Variants in SGIP1 observed in about 807,000 individuals in gnomAD.
The protein encoded by SGIP1 is SH3GL interacting endocytic adaptor 1.
In SGIP1, 38 loss-of-function variants were observed where a neutral mutation model predicts 107.5. The ratio of observed to expected loss-of-function variants is 0.35; its 90% CI spans 0.27 to 0.46. The LOEUF is 0.46. Ranked by LOEUF, SGIP1 falls within the 20% of genes least tolerant of loss-of-function variation. The probability of loss-of-function intolerance (pLI) is 1.00; values close to 1 mark genes in which losing one functional copy is unlikely to be tolerated. For synonymous variants in SGIP1, 365 were observed against 366.1 expected (o/e 1.00, Z 0.03); for missense variants, 929 against 1,019.5 (o/e 0.91, Z 1.21).
chr1:66,660,396 G>A (rs1489994759), intron 7 of SGIP1, 117 bp from the exon 8 acceptor site: 2 of 912,520 alleles, frequency 2.2e-6, no homozygotes, highest in East Asian at 2.5e-5. Context: ...TAAAAGCAGT[G>A]CCTTCGAGAG....
chr1:66,650,042 T>A (rs1428879163), intron 7 of SGIP1, among the ~76,000 whole-genome samples: 1 of 152,168 alleles, frequency 6.6e-6, no homozygotes, highest in East Asian at 1.9e-4. Context: ...CATGTAAAGA[T>A]TGTCTCATTG....
chr1:66,632,513 T>A (rs2074980673), intron 2 of SGIP1, among the ~76,000 whole-genome samples: 1 of 152,156 alleles, frequency 6.6e-6, no homozygotes, highest in Non-Finnish European at 1.5e-5. Flanking sequence ...AGTGATGCTC[T>A]CCTGCAATCC....
At chr1:66,686,816 G>A (rs2025595) in intron 15 of SGIP1, among the ~76,000 whole-genome samples, 102,519 of 152,196 alleles carry the variant, frequency 0.67, 35,756 homozygotes, top group East Asian at 1. Flanking sequence ...AATGAACAAC[G>A]AACTTTTTTT....
chr1:66,616,502 G>T (rs1376964903), intron 1 of SGIP1, among the ~76,000 whole-genome samples: 1 of 152,122 alleles, frequency 6.6e-6, no homozygotes, highest in East Asian at 1.9e-4. Context: ...ATGATAGATA[G>T]CTGAGAAAAC....
intron 1 of SGIP1, among the ~76,000 whole-genome samples, chr1:66,609,120 A>G (rs1240808891): frequency 6.6e-6 from 1 of 150,658 alleles, no homozygotes; most frequent in Non-Finnish European, 1.5e-5. Flanking sequence ...CAGTCAGGAC[A>G]CTGAACTAGG....
chr1:66,742,659 C>T (rs1250716348), intron 24 of SGIP1, among the ~76,000 whole-genome samples: 10 of 148,992 alleles, frequency 6.7e-5, no homozygotes, highest in Non-Finnish European at 8.9e-5. Flanking sequence ...TTAGTAGAGA[C>T]GGGGTTTCAC....
chr1:66,533,774 A>AAAGG (rs1557796414), upstream of SGIP1: 1 of 152,650 alleles, frequency 6.6e-6, no homozygotes, highest in Non-Finnish European at 1.5e-5. Context: ...AGAAAGAAAG[A>AAAGG]AAGAAAAAGA....
At chr1:66,741,200 G>T (rs752083149) in intron 23 of SGIP1, 72 bp from the exon 24 acceptor site, 229 of 1,438,384 alleles carry the variant, frequency 1.6e-4, no homozygotes, top group Non-Finnish European at 1.9e-4. Context: ...GTTAACTTTT[G>T]AATGCAACCT....
intron 3 of SGIP1, among the ~76,000 whole-genome samples, chr1:66,634,342 T>G (rs2075384277): frequency 6.6e-6 from 1 of 152,170 alleles, no homozygotes; most frequent in South Asian, 2.1e-4. Flanking sequence ...TTGTCCTTAT[T>G]TTCTTTCTCC....
At chr1:66,728,139 A>G (rs973707577) in intron 19 of SGIP1, among the ~76,000 whole-genome samples, 5 of 152,224 alleles carry the variant, frequency 3.3e-5, no homozygotes, top group Non-Finnish European at 5.9e-5. Flanking sequence ...TAGACAAATT[A>G]ATGGAATGAA....
At chr1:66,725,893 A>T (rs1420151176) in intron 19 of SGIP1, among the ~76,000 whole-genome samples, 5 of 152,192 alleles carry the variant, frequency 3.3e-5, no homozygotes, top group Non-Finnish European at 5.9e-5. Context: ...TGCTGCCGCC[A>T]CCATGCACTG....
chr1:66,631,303 T>C (rs903029606), intron 2 of SGIP1, among the ~76,000 whole-genome samples: 3 of 152,164 alleles, frequency 2.0e-5, no homozygotes, highest in African/African-American at 4.8e-5. Context: ...ACCAATCACC[T>C]GGCTCATTAC....
chr1:66,549,289 T>C (rs867338950), intron 1 of SGIP1, among the ~76,000 whole-genome samples: 1 of 152,146 alleles, frequency 6.6e-6, no homozygotes, highest in African/African-American at 2.4e-5. Context: ...TCAGCAACTA[T>C]TTATTGAGGT....
chr1:66,681,165 T>C (rs2149985520), intron 14 of SGIP1, among the ~76,000 whole-genome samples: 1 of 152,306 alleles, frequency 6.6e-6, no homozygotes, highest in East Asian at 1.9e-4. Context: ...ACAGTTCTAA[T>C]AAGTAGCAAA....
At chr1:66,646,104 G>A (rs1430590617) in intron 7 of SGIP1, among the ~76,000 whole-genome samples, 1 of 152,090 alleles carries the variant, frequency 6.6e-6, no homozygotes, top group African/African-American at 2.4e-5. Context: ...GCTTCCCAAA[G>A]TGCTGGGATT....
intron 18 of SGIP1, among the ~76,000 whole-genome samples, chr1:66,706,084 T>C (rs1196902535): frequency 1.3e-5 from 2 of 151,762 alleles, no homozygotes; most frequent in Admixed American, 1.3e-4. Context: ...ATTCCAGTTA[T>C]ATTAAAACAA....
chr1:66,662,058 G>C (rs959118645), intron 8 of SGIP1, among the ~76,000 whole-genome samples: 2 of 152,124 alleles, frequency 1.3e-5, no homozygotes, highest in South Asian at 2.1e-4. Context: ...GTAATATGTA[G>C]TCGACCCAAG....
chr1:66,746,927 T>C lies in SGIP1; in HGVS notation c.*3832T>C, dbSNP rs1243574934. 3 of 152,242 alleles carry C rather than the reference T, an allele frequency of 2.0e-5. No individual in the cohort carries two copies. Among genetic ancestry groups the C allele is most frequent in the Non-Finnish European group, 4.4e-5 (3 of 67,954 alleles). The allele number at this position is 152,242 out of a possible 1,614,324, so 9.4% of individuals were successfully genotyped here. On this transcript the variant is annotated 3_prime_UTR_variant, in exon 25 of 25. Transcript: ENST00000371037. ...AAATATGATTGGTATCATCACTTAT[T>C]AATGTTTTGTATCATCACTTATTAA... is the stretch of plus-strand genomic sequence containing the variant.
chr1:66,584,883 C>T (rs921543235), intron 1 of SGIP1, among the ~76,000 whole-genome samples: 1 of 152,146 alleles, frequency 6.6e-6, no homozygotes, highest in Non-Finnish European at 1.5e-5. Context: ...GCTGTGTTGA[C>T]CTTTCTTCAT....
Sources: gnomAD v4.1 joint callset for allele counts (sites outside exome capture counted in the v4.1 genomes callset) on GRCh38, gnomAD v4.1.1 for gene constraint, MANE v1.5 for transcripts, NCBI Gene and HGNC (gene_info 2026-07-23, HGNC 2026-07-21) for gene names.